Variants in ZNF516 observed in about 807,000 individuals in gnomAD.
ZNF516 encodes zinc finger protein 516.
ZNF516 carries 19 observed loss-of-function variants against 79.7 expected under a neutral mutation model. The observed-to-expected ratio is 0.24, with a 90% confidence interval of 0.17 to 0.35. The LOEUF (loss-of-function observed/expected upper bound fraction) is 0.35, where lower values mean the gene tolerates loss of function less well. ZNF516 is among the 10% of genes least tolerant of loss of function. The probability of loss-of-function intolerance (pLI) is 1.00; values close to 1 mark genes in which losing one functional copy is unlikely to be tolerated. For synonymous variants in ZNF516, 877 were observed against 739.5 expected (o/e 1.19, Z -3.02); for missense variants, 1,678 against 1,679.5 (o/e 1.00, Z 0.02).
chr18:76,473,629 G>C (rs1020251054), intron 1 of ZNF516, among the ~76,000 whole-genome samples: 4 of 151,892 alleles, frequency 2.6e-5, no homozygotes, highest in South Asian at 2.1e-4. Flanking sequence ...GTGAAACCCT[G>C]TCTCTACTAA....
At chr18:76,453,942 A>G (rs113545540) in intron 2 of ZNF516, among the ~76,000 whole-genome samples, 4 of 152,302 alleles carry the variant, frequency 2.6e-5, no homozygotes, top group African/African-American at 9.6e-5. Flanking sequence ...ACACAGTCCT[A>G]TTTTCCAACC....
At position 76,380,878 on chromosome 18, in the gene ZNF516, A is replaced by G. The variant is rs145877645; in HGVS notation, c.1811-575T>C. Reference sequence around the variant, plus strand: ...CAGCCATAGGGCTCCCTCCCTACGCATCTCTCCTGTGAGGGCAATTCTCAA... The same window carrying G: ...CAGCCATAGGGCTCCCTCCCTACGCGTCTCTCCTGTGAGGGCAATTCTCAA... On this transcript the variant is annotated intron_variant, in intron 3 of 6. Transcript: ENST00000443185. 5.5e-3 allele frequency among the ~76,000 whole-genome samples: 837 copies of G among 152,264 alleles called. 8 individuals carry two copies. The highest frequency in any genetic ancestry group is 0.02 in the African/African-American group (812 of 41,566).
chr18:76,440,135 A>G (rs546697684), intron 3 of ZNF516, among the ~76,000 whole-genome samples: 1 of 152,380 alleles, frequency 6.6e-6, no homozygotes, highest in South Asian at 2.1e-4. Context: ...TTGCTACAGG[A>G]GAAAAGACTT....
At chr18:76,488,799 C>A (rs543524478) in intron 1 of ZNF516, among the ~76,000 whole-genome samples, 6 of 152,284 alleles carry the variant, frequency 3.9e-5, no homozygotes, top group African/African-American at 1.4e-4. Flanking sequence ...TAAATTTGGC[C>A]AGCTGAAAAC....
intron 1 of ZNF516, chr18:76,492,544 T>C (rs1420127748): frequency 6.0e-6 from 2 of 336,030 alleles, no homozygotes; most frequent in African/African-American, 2.2e-5. Context: ...GGAAGACACA[T>C]GCTGCCCTTC....
At chr18:76,484,773 C>T (rs1024153193) in intron 1 of ZNF516, among the ~76,000 whole-genome samples, 1 of 152,184 alleles carries the variant, frequency 6.6e-6, no homozygotes, top group East Asian at 1.9e-4. Context: ...AATACCTATA[C>T]TTTAAAATAT....
At chr18:76,396,621 G>A (rs2075149795) in intron 3 of ZNF516, among the ~76,000 whole-genome samples, 1 of 152,108 alleles carries the variant, frequency 6.6e-6, no homozygotes, top group Admixed American at 6.5e-5. Flanking sequence ...GAAATCAGGC[G>A]TCCAGATTTC....
chr18:76,414,141 A>G (rs967725529), intron 3 of ZNF516, among the ~76,000 whole-genome samples: 1 of 152,246 alleles, frequency 6.6e-6, no homozygotes, highest in Admixed American at 6.5e-5. Context: ...ATTCCTATGT[A>G]TTTACATTAA....
In ZNF516 at chr18:76,361,332, C is replaced by G. The variant is rs2074534570; in HGVS notation, c.*1166G>C. On this transcript the variant is annotated 3_prime_UTR_variant, in exon 7 of 7. Transcript: ENST00000443185. ...TAAGATCCTTTGTTATGGGCCTTAA[C>G]CCCCACCACAAAAACTCGCATTTGC... 6.6e-6 allele frequency: 1 copy of G among 152,216 alleles called. No individual in the cohort carries two copies. Among genetic ancestry groups the G allele is most frequent in the South Asian group, 2.1e-4 (1 of 4,838 alleles). 9.4% of individuals were successfully genotyped at this position (152,216 alleles called of 1,614,324 possible).
At chr18:76,494,166 C>T (rs540585227) in intron 1 of ZNF516, among the ~76,000 whole-genome samples, 3 of 152,186 alleles carry the variant, frequency 2.0e-5, no homozygotes, top group East Asian at 1.9e-4. Flanking sequence ...TTTTAAATAC[C>T]CCACTCGGCT....
Position 76,380,806 on chromosome 18 carries a change from C to G in ZNF516, c.1811-503G>C, listed in dbSNP as rs561863053. ...ACAGCTTACTCTGTCCAAAGGACCC[C>G]CCGTGTCTGCCTCCGAAACCACTGG... On this transcript the variant is annotated intron_variant, in intron 3 of 6. Transcript: ENST00000443185. Among the ~76,000 whole-genome samples, 15 of 152,304 alleles carry G rather than the reference C, an allele frequency of 9.8e-5. No individual in the cohort carries two copies. The South Asian group carries it at 2.3e-3, about 23-fold the overall frequency.
In ZNF516 at chr18:76,437,067, A is replaced by AACACACACACACACACACACAC. The variant is rs370573337; in HGVS notation, c.1810+4156_1810+4177dup. On this transcript the variant is annotated intron_variant, in intron 3 of 6. Transcript: ENST00000443185. ...GGGTGACAGAGCAAGACCTGTCTAA[A>AACACACACACACACACACACAC]ACACACACACACACACACACACACA... Among the ~76,000 whole-genome samples the AACACACACACACACACACACAC allele has an allele frequency of 3.5e-3, 474 of 135,950 alleles. 4 individuals carry two copies. The highest frequency in any genetic ancestry group is 0.011 in the African/African-American group (366 of 34,502). The allele number at this position is 135,950 out of a possible 152,430, so 89.2% of individuals were successfully genotyped here. A position where few individuals can be genotyped will look rare whatever the true frequency, so the allele number is the denominator to read the frequency against.
intron 3 of ZNF516, among the ~76,000 whole-genome samples, chr18:76,402,411 T>TC (rs1034418586): frequency 2.0e-3 from 3 of 1,528 alleles, no homozygotes; most frequent in Admixed American, 0.019. Context: ...CGAGGACATT[T>TC]CCTTTCATCC....
chr18:76,378,297 T>C (rs944394980), intron 4 of ZNF516: 1 of 152,250 alleles, frequency 6.6e-6, no homozygotes, highest in Non-Finnish European at 1.5e-5. Context: ...TCAGGAATTT[T>C]TGCACAAATC....
chr18:76,398,494 T>C (rs2075174378), intron 3 of ZNF516, among the ~76,000 whole-genome samples: 1 of 152,134 alleles, frequency 6.6e-6, no homozygotes, highest in Admixed American at 6.5e-5. Flanking sequence ...TCAAGAATGG[T>C]GGCGGGGACT....
rs1029352030 is a variant in ZNF516 at position 76,360,821 on chromosome 18, T to C, written c.*1677A>G. ...ATAATAATAATAATAATAATAATAA[T>C]ATAATAATATTCAACAAATCATTAG... On this transcript the variant is annotated 3_prime_UTR_variant, in exon 7 of 7. Coordinates refer to ENST00000443185, the MANE Select transcript of ZNF516 (RefSeq NM_014643.4). 1 of 146,806 alleles carries C rather than the reference T, an allele frequency of 6.8e-6. No homozygotes were observed. Among genetic ancestry groups the C allele is most frequent in the Admixed American group, 6.8e-5 (1 of 14,718 alleles). The allele number at this position is 146,806 out of a possible 1,614,324, so 9.1% of individuals were successfully genotyped here. A position where few individuals can be genotyped will look rare whatever the true frequency, so the allele number is the denominator to read the frequency against.
At chr18:76,390,884 C>G (rs1302533161) in intron 3 of ZNF516, among the ~76,000 whole-genome samples, 1 of 152,144 alleles carries the variant, frequency 6.6e-6, no homozygotes, top group Non-Finnish European at 1.5e-5. Flanking sequence ...GGTCACCGTC[C>G]CATTTTGTAG....
At chr18:76,439,324 C>T (rs1055621196) in intron 3 of ZNF516, among the ~76,000 whole-genome samples, 2 of 152,176 alleles carry the variant, frequency 1.3e-5, no homozygotes, top group South Asian at 2.1e-4. Context: ...TTTGGGATTA[C>T]GGAAAGTGAC....
chr18:76,425,661 C>G (rs1019761399), intron 3 of ZNF516, among the ~76,000 whole-genome samples: 3 of 152,208 alleles, frequency 2.0e-5, no homozygotes, highest in Non-Finnish European at 4.4e-5. Flanking sequence ...TATGCTCATG[C>G]AGATGACCTA....
Sources: gnomAD v4.1 joint callset for allele counts (sites outside exome capture counted in the v4.1 genomes callset) on GRCh38, gnomAD v4.1.1 for gene constraint, MANE v1.5 for transcripts, NCBI Gene and HGNC (gene_info 2026-07-23, HGNC 2026-07-21) for gene names.